ADGRL3: variants seen among roughly 807,000 people sequenced by gnomAD.
ADGRL3 encodes calcium-independent alpha-latrotoxin receptor 3.
In ADGRL3, 62 loss-of-function variants were observed where a neutral mutation model predicts 153.5. The ratio of observed to expected loss-of-function variants is 0.40; its 90% confidence interval spans 0.33 to 0.50. The LOEUF is 0.50. Among genes scored for constraint, ADGRL3 ranks in the 20% least tolerant of loss-of-function variants. The probability of loss-of-function intolerance (pLI) is 0.47; values close to 1 mark genes in which losing one functional copy is unlikely to be tolerated. For synonymous variants in ADGRL3, 710 were observed against 672.5 expected (o/e 1.06, Z -0.86); for missense variants, 1,641 against 1,859.4 (o/e 0.88, Z 2.16).
intron 1 of ADGRL3, among the ~76,000 whole-genome samples, chr4:61,220,696 C>T (rs1186716533): frequency 6.6e-6 from 1 of 152,116 alleles, no homozygotes; most frequent in Non-Finnish European, 1.5e-5. Flanking sequence ...ATATCTGTTG[C>T]TTTCAATCTT....
intron 8 of ADGRL3, among the ~76,000 whole-genome samples, chr4:61,746,057 C>A (rs920230795): frequency 4.6e-5 from 7 of 152,088 alleles, no homozygotes; most frequent in Non-Finnish European, 1.0e-4. Context: ...GGGTTGCAAT[C>A]CTAGTCTCTG....
intron 8 of ADGRL3, among the ~76,000 whole-genome samples, chr4:61,771,481 A>T (rs1304534194): frequency 6.6e-6 from 1 of 152,202 alleles, no homozygotes; most frequent in Non-Finnish European, 1.5e-5. Flanking sequence ...TTCAAATATG[A>T]TTGTCAGGTT....
At position 61,983,448 on chromosome 4, in the gene ADGRL3, C is replaced by T. The variant is rs756242646; in HGVS notation, c.3081C>T (p.Phe1027=). Residue 1027 remains phenylalanine, a synonymous_variant, in exon 19 of 27, where the codon TTC becomes TTT. Coordinates refer to ENST00000683033, the MANE Select transcript of ADGRL3 (RefSeq NM_001387552.1). ...FFFLAAFTWM[F]LEGVQLYIML... ...TCTTGGCTGCCTTCACCTGGATGTT[C>T]CTGGAGGGGGTGCAGCTTTATATCA... is the stretch of plus-strand genomic sequence containing the variant. 1.2e-6 allele frequency: 2 copies of T among 1,613,858 alleles called. No homozygotes were observed. Among genetic ancestry groups the T allele is most frequent in the Non-Finnish European group, 1.7e-6 (2 of 1,179,860 alleles).
chr4:61,542,389 G>A (rs2098694529), intron 4 of ADGRL3, among the ~76,000 whole-genome samples: 1 of 152,010 alleles, frequency 6.6e-6, no homozygotes, highest in Non-Finnish European at 1.5e-5. Flanking sequence ...GTTCCCCTAC[G>A]TCTAAACATT....
intron 5 of ADGRL3, among the ~76,000 whole-genome samples, chr4:61,641,932 A>G (rs1452218697): frequency 4.1e-5 from 6 of 147,934 alleles, no homozygotes; most frequent in Non-Finnish European, 8.9e-5. Context: ...GTTTCTCCAC[A>G]TCCTCTCCAG....
At chr4:61,664,094 A>T (rs945082636) in intron 5 of ADGRL3, among the ~76,000 whole-genome samples, 2 of 152,186 alleles carry the variant, frequency 1.3e-5, no homozygotes, top group African/African-American at 4.8e-5. Flanking sequence ...ATCCTAGGTG[A>T]TCTATACCTG....
At chr4:61,892,035 G>T (rs1022442715) in intron 9 of ADGRL3, among the ~76,000 whole-genome samples, 1 of 152,132 alleles carries the variant, frequency 6.6e-6, no homozygotes, top group Non-Finnish European at 1.5e-5. Flanking sequence ...TTACATTAAT[G>T]AAAATCAAAT....
chr4:61,927,152 C>T (rs1474952429), intron 13 of ADGRL3, among the ~76,000 whole-genome samples: 1 of 152,176 alleles, frequency 6.6e-6, no homozygotes, highest in Non-Finnish European at 1.5e-5. Context: ...GTCTTTCTTG[C>T]TGCATCCCAG....
At chr4:61,973,355 C>T (rs967478964) in intron 17 of ADGRL3, among the ~76,000 whole-genome samples, 2 of 151,938 alleles carry the variant, frequency 1.3e-5, no homozygotes, top group African/African-American at 2.4e-5. Context: ...GCCGTCCTTT[C>T]CTCCCATCAC....
intron 6 of ADGRL3, among the ~76,000 whole-genome samples, chr4:61,719,480 T>C (rs2096194324): frequency 6.6e-6 from 1 of 152,162 alleles, no homozygotes; most frequent in Admixed American, 6.6e-5. Context: ...GTAAGATACA[T>C]GATTAATAAA....
At chr4:61,569,555 A>G (rs905361090) in intron 4 of ADGRL3, among the ~76,000 whole-genome samples, 6 of 152,176 alleles carry the variant, frequency 3.9e-5, no homozygotes, top group African/African-American at 1.4e-4. Flanking sequence ...CAATATAGCA[A>G]TACCTTGTCT....
At chr4:61,858,267 T>A (rs577402105) in intron 9 of ADGRL3, among the ~76,000 whole-genome samples, 1 of 152,292 alleles carries the variant, frequency 6.6e-6, no homozygotes, top group African/African-American at 2.4e-5. Flanking sequence ...TCTGTGGTTG[T>A]AGCCTAGAAG....
intron 2 of ADGRL3, among the ~76,000 whole-genome samples, chr4:61,440,346 C>A (rs541656913): frequency 1.3e-5 from 2 of 152,258 alleles, no homozygotes; most frequent in African/African-American, 4.8e-5. Context: ...CTGCACCCGG[C>A]CTATATTGCT....
intron 9 of ADGRL3, among the ~76,000 whole-genome samples, chr4:61,861,516 A>T (rs951744833): frequency 6.6e-6 from 1 of 152,056 alleles, no homozygotes; most frequent in Non-Finnish European, 1.5e-5. Context: ...TACAAAGATG[A>T]TACCTTTTGG....
chr4:61,581,361 C>T (rs2098924440), intron 4 of ADGRL3, among the ~76,000 whole-genome samples: 1 of 151,466 alleles, frequency 6.6e-6, no homozygotes, highest in Non-Finnish European at 1.5e-5. Flanking sequence ...TCATTAGCAT[C>T]TTAAATCTCC....
chr4:61,869,960 A>AAAAAAAAAAAGAGAG (rs1554051477), intron 9 of ADGRL3, among the ~76,000 whole-genome samples: 9 of 101,878 alleles, frequency 8.8e-5, no homozygotes, highest in Non-Finnish European at 1.2e-4. Flanking sequence ...AAAAAAAAAA[A>AAAAAAAAAAAGAGAG]AGAGAGAGAG....
At chr4:61,790,655 G>A (rs1431710364) in intron 8 of ADGRL3, among the ~76,000 whole-genome samples, 1 of 152,132 alleles carries the variant, frequency 6.6e-6, no homozygotes, top group African/African-American at 2.4e-5. Context: ...TAAATAACTG[G>A]AGGCTAAAAA....
chr4:62,051,178 A>ATG, intron 25 of ADGRL3, among the ~76,000 whole-genome samples: 1 of 146,140 alleles, frequency 6.8e-6, no homozygotes, highest in Non-Finnish European at 1.5e-5. Context: ...GTATATATAT[A>ATG]TATATATATA....
intron 25 of ADGRL3, among the ~76,000 whole-genome samples, chr4:62,045,156 T>G (rs2151688161): frequency 6.6e-6 from 1 of 152,076 alleles, no homozygotes; most frequent in Non-Finnish European, 1.5e-5. Flanking sequence ...TCCCTTAATC[T>G]ATTGTTTTGT....
Sources: allele counts gnomAD v4.1 joint callset (sites outside exome capture counted in the v4.1 genomes callset), GRCh38; gene constraint gnomAD v4.1.1; transcripts MANE v1.5; gene names NCBI Gene and HGNC (gene_info 2026-07-23, HGNC 2026-07-21).